Variants in PKP4 observed in about 807,000 individuals in gnomAD.
PKP4 encodes plakophilin-4.
A neutral mutation model predicts 145.1 loss-of-function variants in PKP4; 90 were observed. That is an observed-to-expected ratio of 0.62 (90% CI 0.52 to 0.74). The LOEUF (loss-of-function observed/expected upper bound fraction) is 0.74. Among genes scored for constraint, PKP4 ranks in the 30% least tolerant of loss-of-function variants. PKP4 has a pLI of 0.00. For synonymous variants in PKP4, 563 were observed against 577.2 expected, an observed-to-expected ratio of 0.98 and a Z score of 0.35; for missense variants, 1,340 against 1,482.7, an observed-to-expected ratio of 0.90 and a Z score of 1.58.
chr2:158,668,043 A>G (rs2057259812), intron 16 of PKP4, among the ~76,000 whole-genome samples: 1 of 152,228 alleles, frequency 6.6e-6, no homozygotes, highest in Non-Finnish European at 1.5e-5. Flanking sequence ...GGTACTGTGA[A>G]GTGCTAAGAC....
intron 1 of PKP4, among the ~76,000 whole-genome samples, chr2:158,464,219 GCTC>G (rs1559174390): frequency 6.6e-6 from 1 of 152,204 alleles, no homozygotes; most frequent in African/African-American, 2.4e-5. Flanking sequence ...TGACAGAGTT[GCTC>G]CTCTGAAAAC....
At chr2:158,577,697 G>T (rs1447752859) in intron 3 of PKP4, among the ~76,000 whole-genome samples, 1 of 152,136 alleles carries the variant, frequency 6.6e-6, no homozygotes, top group Non-Finnish European at 1.5e-5. Context: ...AAGTTAATTG[G>T]CTGGTGCTTT....
intron 3 of PKP4, among the ~76,000 whole-genome samples, chr2:158,601,980 T>G (rs1416159798): frequency 6.6e-6 from 1 of 152,198 alleles, no homozygotes; most frequent in African/African-American, 2.4e-5. Context: ...TTCTATAAAT[T>G]TAATAAGCAC....
chr2:158,464,662 C>T (rs72931479), intron 1 of PKP4, among the ~76,000 whole-genome samples: 1 of 152,306 alleles, frequency 6.6e-6, no homozygotes, highest in Non-Finnish European at 1.5e-5. Context: ...GAAGAACTGG[C>T]TGTTGTTCCC....
At chr2:158,519,260 C>T (rs1198046114) in intron 1 of PKP4, among the ~76,000 whole-genome samples, 1 of 151,774 alleles carries the variant, frequency 6.6e-6, no homozygotes, top group Non-Finnish European at 1.5e-5. Context: ...CTTTTTTATC[C>T]TGTAGCTTTT....
chr2:158,663,503 G>A, intron 15 of PKP4, 58 bp downstream of exon 15: 1 of 1,406,012 alleles, frequency 7.1e-7, no homozygotes, highest in Non-Finnish European at 1.0e-6. Flanking sequence ...AACTTGAAAT[G>A]TTATATATAT....
Position 158,625,179 on chromosome 2 carries a change from C to T in PKP4, c.905C>T (p.Pro302Leu), listed in dbSNP as rs551431444. ...CGGCAGACCTCCAATCCCAACGGAC[C>T]AACCCCTCAATACCAAACCACCGCC... ...TSRQTSNPNG[P>L]TPQYQTTARV... Residue 302 changes from proline to leucine, a missense_variant, in exon 7 of 22, where the codon CCA (proline) becomes CTA (leucine). Coordinates refer to ENST00000389759, the MANE Select transcript of PKP4 (RefSeq NM_003628.6). 6.2e-7 allele frequency: 1 copy of T among 1,614,156 alleles called. No homozygotes were observed. Among genetic ancestry groups the T allele is most frequent in the African/African-American group, 1.3e-5 (1 of 75,032 alleles).
At chr2:158,661,569 C>T (rs1237193717) in intron 13 of PKP4, 119 bp downstream of exon 13, 6 of 670,298 alleles carry the variant, frequency 9.0e-6, no homozygotes, top group Non-Finnish European at 1.6e-5. Flanking sequence ...CAGGAGGCCA[C>T]TCTCCAGATC....
intron 3 of PKP4, among the ~76,000 whole-genome samples, chr2:158,596,697 G>A (rs903749692): frequency 1.3e-5 from 2 of 151,990 alleles, no homozygotes; most frequent in African/African-American, 4.8e-5. Flanking sequence ...AGTAGATCAT[G>A]TAACGCTACT....
intron 1 of PKP4, among the ~76,000 whole-genome samples, chr2:158,522,516 G>A (rs550762389): frequency 1.3e-5 from 2 of 152,272 alleles, no homozygotes; most frequent in African/African-American, 4.8e-5. Context: ...AGATTGTGAT[G>A]AAAATGCACA....
In PKP4 at chr2:158,520,551, G is replaced by A. The variant is rs78092782; in HGVS notation, c.-5-12629G>A. Among the ~76,000 whole-genome samples the A allele has an allele frequency of 9.9e-3, 1,500 of 151,840 alleles. 16 individuals are homozygous for A. Among genetic ancestry groups the A allele is most frequent in the Non-Finnish European group, 0.016 (1,118 of 67,956 alleles). On this transcript the variant is annotated intron_variant, in intron 1 of 21. Coordinates refer to ENST00000389759, the MANE Select transcript of PKP4 (RefSeq NM_003628.6). ...TCTAATACTGTATCATGTTTATTCC[G>A]CTATATTATTCTTTTTCCATTCTGT...
intron 2 of PKP4, among the ~76,000 whole-genome samples, chr2:158,544,059 A>G (rs2044747465): frequency 6.6e-6 from 1 of 152,202 alleles, no homozygotes; most frequent in South Asian, 2.1e-4. Context: ...TTCATAAGCA[A>G]TCAGCCTGAA....
chr2:158,562,217 A>G (rs2046594303), intron 2 of PKP4, among the ~76,000 whole-genome samples: 1 of 152,258 alleles, frequency 6.6e-6, no homozygotes, highest in African/African-American at 2.4e-5. Flanking sequence ...ATACATAAAA[A>G]TAACCCAAGT....
chr2:158,626,851 CT>C (rs1351775348), intron 7 of PKP4, among the ~76,000 whole-genome samples: 2 of 151,876 alleles, frequency 1.3e-5, no homozygotes, highest in African/African-American at 4.8e-5. Context: ...TTCGTGAAAG[CT>C]TTTTTTTACT....
At chr2:158,471,403 T>C (rs1691549913) in intron 1 of PKP4, among the ~76,000 whole-genome samples, 1 of 152,220 alleles carries the variant, frequency 6.6e-6, no homozygotes, top group South Asian at 2.1e-4. Context: ...CAGATTTAAT[T>C]TTTACAGTCA....
At chr2:158,571,936 A>G (rs1024214192) in intron 2 of PKP4, among the ~76,000 whole-genome samples, 6 of 152,202 alleles carry the variant, frequency 3.9e-5, no homozygotes, top group Non-Finnish European at 4.4e-5. Context: ...CAGAAGGAAG[A>G]TGGTATCCTT....
chr2:158,526,059 G>A (rs2042901900), intron 1 of PKP4, among the ~76,000 whole-genome samples: 1 of 151,688 alleles, frequency 6.6e-6, no homozygotes, highest in African/African-American at 2.4e-5. Context: ...AGAGATACAA[G>A]GAGGAACTGG....
chr2:158,654,344 A>AT (rs901159449), intron 11 of PKP4, among the ~76,000 whole-genome samples: 66 of 151,392 alleles, frequency 4.4e-4, no homozygotes, highest in African/African-American at 1.3e-3. Flanking sequence ...AACTGTAAAC[A>AT]TTTTTTTTTG....
At chr2:158,484,269 G>C (rs1448664922) in intron 1 of PKP4, among the ~76,000 whole-genome samples, 2 of 151,528 alleles carry the variant, frequency 1.3e-5, no homozygotes, top group Non-Finnish European at 2.9e-5. Flanking sequence ...GGATGGTCTC[G>C]ATCTCCTGAC....
Sources: allele counts gnomAD v4.1 joint callset (sites outside exome capture counted in the v4.1 genomes callset), GRCh38; gene constraint gnomAD v4.1.1; transcripts MANE v1.5; gene names NCBI Gene and HGNC (gene_info 2026-07-23, HGNC 2026-07-21).